GALNTL6: variants seen among roughly 807,000 people sequenced by gnomAD.
The protein encoded by GALNTL6 is polypeptide N-acetylgalactosaminyltransferase-like 6.
Under a neutral mutation model 73.7 loss-of-function variants are expected in GALNTL6, and 46 were observed. The observed-to-expected ratio is 0.62, with a 90% CI of 0.49 to 0.80. GALNTL6 has a LOEUF of 0.80. Among genes scored for constraint, GALNTL6 ranks in the 30% least tolerant of loss-of-function variants. GALNTL6 has a pLI of 0.00. For missense variants in GALNTL6, 604 were observed against 755.0 expected (o/e 0.80, Z 2.34); for synonymous variants, 259 against 263.7 (o/e 0.98, Z 0.17).
chr4:172,735,862 T>A (rs757584728), intron 5 of GALNTL6, among the ~76,000 whole-genome samples: 3 of 151,992 alleles, frequency 2.0e-5, no homozygotes, highest in Non-Finnish European at 4.4e-5. Context: ...AAGAGAGAAA[T>A]TTTACAGCTG....
At chr4:172,880,715 A>G (rs1009765222) in intron 7 of GALNTL6, among the ~76,000 whole-genome samples, 17 of 152,170 alleles carry the variant, frequency 1.1e-4, no homozygotes, top group African/African-American at 3.9e-4. Flanking sequence ...TAAACACAGT[A>G]AATAAAAAGT....
intron 2 of GALNTL6, among the ~76,000 whole-genome samples, chr4:171,987,838 G>C (rs1312773016): frequency 6.6e-6 from 1 of 152,098 alleles, no homozygotes; most frequent in Non-Finnish European, 1.5e-5. Flanking sequence ...TGGGGAAATG[G>C]GGTGAATGTC....
At chr4:172,781,780 C>T (rs1461704656) in intron 5 of GALNTL6, among the ~76,000 whole-genome samples, 4 of 151,868 alleles carry the variant, frequency 2.6e-5, no homozygotes, top group Non-Finnish European at 5.9e-5. Flanking sequence ...GAAACTGAGG[C>T]ATTAGGAGGC....
chr4:172,051,256 G>A (rs1178111548), intron 2 of GALNTL6, among the ~76,000 whole-genome samples: 2 of 152,126 alleles, frequency 1.3e-5, no homozygotes, highest in Admixed American at 6.6e-5. Context: ...TAACATGTAG[G>A]GGTGGGTACC....
At chr4:172,565,970 G>A (rs1400369018) in intron 5 of GALNTL6, among the ~76,000 whole-genome samples, 1 of 151,908 alleles carries the variant, frequency 6.6e-6, no homozygotes, top group Non-Finnish European at 1.5e-5. Flanking sequence ...AATTATATGA[G>A]GTTTCATTTC....
chr4:172,430,417 G>A (rs897395311), intron 5 of GALNTL6, among the ~76,000 whole-genome samples: 8 of 152,076 alleles, frequency 5.3e-5, no homozygotes, highest in East Asian at 3.9e-4. Flanking sequence ...TATAGAAAGC[G>A]TATCTCTAAA....
chr4:172,050,531 A>G (rs1579089173), intron 2 of GALNTL6, among the ~76,000 whole-genome samples: 1 of 152,142 alleles, frequency 6.6e-6, no homozygotes, highest in South Asian at 2.1e-4. Flanking sequence ...GCCCTTCAGG[A>G]AAAAATGTAG....
In GALNTL6 at chr4:172,785,405, A is replaced by G. The variant is rs553970256; in HGVS notation, c.554-23956A>G. On this transcript the variant is annotated intron_variant, in intron 5 of 12. Transcript: ENST00000506823. ...AGAGAAGGTCAAAAGGAAGATAATG[A>G]TTTTCTATTATAAGTAAAGGAAATC... 5.3e-4 allele frequency among the ~76,000 whole-genome samples: 81 copies of G among 152,278 alleles called. 1 individual carries two copies. The South Asian group carries it at 0.016, about 30-fold the overall frequency.
At chr4:172,254,113 A>G (rs1240643740) in intron 3 of GALNTL6, among the ~76,000 whole-genome samples, 1 of 151,800 alleles carries the variant, frequency 6.6e-6, no homozygotes, top group African/African-American at 2.4e-5. Flanking sequence ...GTTTTTGATA[A>G]GAAATCAACA....
At chr4:172,315,315 A>G (rs183695773) in intron 4 of GALNTL6, among the ~76,000 whole-genome samples, 1 of 152,158 alleles carries the variant, frequency 6.6e-6, no homozygotes, top group Non-Finnish European at 1.5e-5. Context: ...CCACGCTGGA[A>G]TGCAATGGTG....
intron 5 of GALNTL6, among the ~76,000 whole-genome samples, chr4:172,590,148 A>C (rs1241725075): frequency 2.0e-5 from 3 of 152,184 alleles, no homozygotes; most frequent in African/African-American, 7.2e-5. Context: ...GTTTTCCAAA[A>C]TATCAGTTGC....
intron 2 of GALNTL6, among the ~76,000 whole-genome samples, chr4:172,036,099 G>C (rs2110830270): frequency 6.6e-6 from 1 of 152,094 alleles, no homozygotes; most frequent in East Asian, 1.9e-4. Context: ...AGCCCAGTAA[G>C]TATCCCAAAA....
chr4:172,766,443 A>G (rs1195306598), intron 5 of GALNTL6, among the ~76,000 whole-genome samples: 1 of 152,126 alleles, frequency 6.6e-6, no homozygotes, highest in Non-Finnish European at 1.5e-5. Flanking sequence ...AATTTGCTTA[A>G]CAAGTGTGGC....
chr4:172,770,181 G>A (rs989981093), intron 5 of GALNTL6, among the ~76,000 whole-genome samples: 3 of 151,816 alleles, frequency 2.0e-5, no homozygotes, highest in Admixed American at 1.3e-4. Flanking sequence ...CAGGAGAATC[G>A]CTTGAACCTG....
intron 12 of GALNTL6, among the ~76,000 whole-genome samples, chr4:173,033,310 A>T (rs1009009772): frequency 2.0e-5 from 3 of 150,898 alleles, no homozygotes; most frequent in Admixed American, 2.0e-4. Flanking sequence ...GCCAAGAAAC[A>T]TTATTTCTGA....
intron 2 of GALNTL6, among the ~76,000 whole-genome samples, chr4:172,157,784 G>T (rs1261506543): frequency 6.6e-6 from 1 of 151,396 alleles, no homozygotes; most frequent in Non-Finnish European, 1.5e-5. Context: ...TCTAAATCTA[G>T]TTTCATTGTC....
intron 12 of GALNTL6, among the ~76,000 whole-genome samples, chr4:173,031,680 AG>A (rs1753467254): frequency 6.6e-6 from 1 of 152,178 alleles, no homozygotes; most frequent in Non-Finnish European, 1.5e-5. Flanking sequence ...CTTGATGCCT[AG>A]ATACACATTT....
chr4:172,015,823 T>C (rs1741172589), intron 2 of GALNTL6, among the ~76,000 whole-genome samples: 2 of 151,988 alleles, frequency 1.3e-5, no homozygotes, highest in Admixed American at 1.3e-4. Context: ...AATATAATTC[T>C]TGGCTGACAA....
intron 3 of GALNTL6, among the ~76,000 whole-genome samples, chr4:172,264,627 A>G (rs1224345249): frequency 7.1e-6 from 1 of 140,328 alleles, no homozygotes; most frequent in African/African-American, 2.6e-5. Context: ...TATATTTGGC[A>G]TATATTATAT....
Sources: gnomAD v4.1 joint callset for allele counts (sites outside exome capture counted in the v4.1 genomes callset) on GRCh38, gnomAD v4.1.1 for gene constraint, MANE v1.5 for transcripts, NCBI Gene and HGNC (gene_info 2026-07-23, HGNC 2026-07-21) for gene names.